The following FAM118B variants were observed in gnomAD, a reference collection of about 807,000 sequenced individuals.
The protein encoded by FAM118B is SIR2 antiphage like 1.
Under a neutral mutation model 38.5 loss-of-function variants are expected in FAM118B, and 24 were observed. The ratio of observed to expected loss-of-function variants is 0.62; its 90% confidence interval spans 0.45 to 0.88. The LOEUF (loss-of-function observed/expected upper bound fraction) is 0.88, where lower values mean the gene tolerates loss of function less well. FAM118B is among the 40% of genes least tolerant of loss of function. The pLI, the probability that FAM118B is intolerant of heterozygous loss-of-function variation, is 0.00. For missense variants in FAM118B, 334 were observed against 420.0 expected (o/e 0.80, Z 1.79); for synonymous variants, 138 against 156.3 (o/e 0.88, Z 0.87).
At position 126,256,894 on chromosome 11, in the gene FAM118B, G is replaced by C. The variant is rs1186982207; in HGVS notation, c.982+42G>C. 6.4e-7 allele frequency: 1 copy of C among 1,560,738 alleles called. No homozygotes were observed. The highest frequency in any genetic ancestry group is 1.4e-5 in the African/African-American group (1 of 73,280). On this transcript the variant is annotated intron_variant, in intron 7 of 8. Coordinates refer to ENST00000533050, the MANE Select transcript of FAM118B (RefSeq NM_024556.4). This position sits in a 1 kb window ranked among gnomAD's most constrained non-coding sequence, Gnocchi z 6.6. ...AGCTGAGGGGAATCAGAGAACAACAGCTCTTCAGCCTTTTGTGTATTTGTG... is the reference window on the plus strand; with the variant it reads ...AGCTGAGGGGAATCAGAGAACAACACCTCTTCAGCCTTTTGTGTATTTGTG...
chr11:126,227,606 CTG>C (rs1950159563), intron 1 of FAM118B, among the ~76,000 whole-genome samples: 1 of 152,118 alleles, frequency 6.6e-6, no homozygotes. Context: ...CTAAGAATAA[CTG>C]TAACACGAAT....
At chr11:126,251,184 C>T (rs993411995) in intron 5 of FAM118B, among the ~76,000 whole-genome samples, 9 of 152,232 alleles carry the variant, frequency 5.9e-5, no homozygotes, top group Non-Finnish European at 1.2e-4. Context: ...GTGGAAACCT[C>T]AGCAGACTTT....
At chr11:126,212,274 TGTGA>T (rs1274804583) in intron 1 of FAM118B, among the ~76,000 whole-genome samples, 4 of 152,230 alleles carry the variant, frequency 2.6e-5, no homozygotes, top group African/African-American at 9.6e-5. Context: ...TAGGAAGCAC[TGTGA>T]GTGTTTTTTC....
intron 1 of FAM118B, among the ~76,000 whole-genome samples, chr11:126,224,933 A>C (rs1295978935): frequency 6.6e-6 from 1 of 152,194 alleles, no homozygotes; most frequent in Non-Finnish European, 1.5e-5. Context: ...AAACACCCAG[A>C]CTCATGTCTT....
At chr11:126,219,818 G>T (rs540246407) in intron 1 of FAM118B, among the ~76,000 whole-genome samples, 1 of 149,248 alleles carries the variant, frequency 6.7e-6, no homozygotes, top group South Asian at 2.1e-4. Flanking sequence ...TTCTTCTACT[G>T]CAGAAAACAT....
chr11:126,214,387 T>C (rs1949936437), intron 1 of FAM118B: 1 of 100,178 alleles, frequency 1.0e-5, no homozygotes, highest in African/African-American at 3.0e-5. Flanking sequence ...AAATGTCATG[T>C]CTTTTTTTTT....
chr11:126,259,050 C>T (rs981378899), intron 7 of FAM118B, among the ~76,000 whole-genome samples: 8 of 152,194 alleles, frequency 5.3e-5, no homozygotes, highest in African/African-American at 1.9e-4. Context: ...CAAGGATTTT[C>T]AGTATGGCCA....
chr11:126,246,010 AGAAAG>A (rs1212811674), intron 4 of FAM118B, among the ~76,000 whole-genome samples: 3 of 151,376 alleles, frequency 2.0e-5, no homozygotes, highest in Non-Finnish European at 4.4e-5. Context: ...AAAAAAAAAA[AGAAAG>A]AAAGAAAGAA....
intron 7 of FAM118B, among the ~76,000 whole-genome samples, chr11:126,259,458 G>A (rs1463271157): frequency 1.3e-4 from 17 of 135,128 alleles, no homozygotes; most frequent in Admixed American, 1.1e-3. Flanking sequence ...ATGGAGTCTC[G>A]CTCTGACGCC....
At chr11:126,237,817 A>G (rs1950299721) in intron 3 of FAM118B, among the ~76,000 whole-genome samples, 1 of 143,198 alleles carries the variant, frequency 7.0e-6, no homozygotes, top group African/African-American at 2.6e-5. Context: ...AGATTGTGTC[A>G]CTGCACTCCA....
At chr11:126,211,754 G>C, upstream of FAM118B, 2 of 1,194,466 alleles carry the variant, frequency 1.7e-6, no homozygotes, top group Admixed American at 2.4e-5. Context: ...GGCGAGTCAC[G>C]TGGGGACGGT....
intron 1 of FAM118B, among the ~76,000 whole-genome samples, chr11:126,224,288 C>A (rs909720600): frequency 6.6e-6 from 1 of 151,846 alleles, no homozygotes; most frequent in Non-Finnish European, 1.5e-5. Context: ...GCCTGAGCAA[C>A]GTGACAAAAC....
Position 126,256,960 on chromosome 11 carries a change from G to C in FAM118B, c.982+108G>C. ...TAGTTGCCAAGATGAGGAATGTAATGACTGACCAAATTGTAAAGGAGGCCA... is the reference window on the plus strand; with the variant it reads ...TAGTTGCCAAGATGAGGAATGTAATCACTGACCAAATTGTAAAGGAGGCCA... On this transcript the variant is annotated intron_variant, in intron 7 of 8. Transcript: ENST00000533050. This position sits in a 1 kb window ranked among gnomAD's most constrained non-coding sequence, Gnocchi z 6.6. 1 of 1,165,954 alleles carries C rather than the reference G, an allele frequency of 8.6e-7. No individual in the cohort carries two copies. The highest frequency in any genetic ancestry group is 1.2e-6 in the Non-Finnish European group (1 of 823,784). 72.2% of individuals were successfully genotyped at this position (1,165,954 alleles called of 1,614,324 possible).
At chr11:126,218,103 G>A (rs117020779) in intron 1 of FAM118B, among the ~76,000 whole-genome samples, 1 of 152,272 alleles carries the variant, frequency 6.6e-6, no homozygotes, top group Non-Finnish European at 1.5e-5. Flanking sequence ...ATGTTTTCTT[G>A]TACTATTTCT....
rs532897175 is a variant in FAM118B, at chr11:126,255,636, A to G, written c.697-931A>G. ...TCCAGAAATGGAAGGATTAAGATAT[A>G]TGAAGACCTACTCTTTGCACAATGA... On this transcript the variant is annotated intron_variant, in intron 6 of 8. Coordinates refer to ENST00000533050, the MANE Select transcript of FAM118B (RefSeq NM_024556.4). This position sits in a 1 kb window ranked among gnomAD's most constrained non-coding sequence, Gnocchi z 4.6. 6.6e-6 allele frequency among the ~76,000 whole-genome samples: 1 copy of G among 152,200 alleles called. No individual in the cohort carries two copies. The highest frequency in any genetic ancestry group is 1.9e-4 in the East Asian group (1 of 5,200).
At chr11:126,262,057 G>A in intron 8 of FAM118B, 63 bp from the exon 9 acceptor site, 3 of 1,563,380 alleles carry the variant, frequency 1.9e-6, no homozygotes, top group Non-Finnish European at 2.6e-6. Context: ...AGTATCTGCA[G>A]CTTCCAATGT....
At chr11:126,247,773 G>T (rs1396385085) in intron 4 of FAM118B, among the ~76,000 whole-genome samples, 1 of 144,866 alleles carries the variant, frequency 6.9e-6, no homozygotes, top group Admixed American at 6.9e-5. Context: ...CAGGGGAATT[G>T]CTTGAACCCA....
chr11:126,229,015 C>A (rs1020734321), intron 1 of FAM118B, among the ~76,000 whole-genome samples: 2 of 152,132 alleles, frequency 1.3e-5, no homozygotes, highest in Admixed American at 6.5e-5. Flanking sequence ...GTAACCCACA[C>A]TATTTTTGTA....
chr11:126,237,207 C>T (rs1360141142), intron 3 of FAM118B, among the ~76,000 whole-genome samples: 6 of 128,950 alleles, frequency 4.7e-5, no homozygotes, highest in African/African-American at 1.4e-4. Flanking sequence ...TGAGCCACCG[C>T]GCCTGGCCTT....
Sources: gnomAD v4.1 joint callset for allele counts (sites outside exome capture counted in the v4.1 genomes callset) on GRCh38, gnomAD v4.1.1 for gene constraint, Gnocchi (gnomAD v3.1) non-coding constraint, MANE v1.5 for transcripts, NCBI Gene and HGNC (gene_info 2026-07-23, HGNC 2026-07-21) for gene names.